Variants in SGSM1 observed in about 807,000 individuals in gnomAD.
SGSM1 encodes RUN and TBC1 domain containing 2.
A neutral mutation model predicts 133.8 loss-of-function variants in SGSM1; 73 were observed. The ratio of observed to expected loss-of-function variants is 0.55; its 90% CI spans 0.45 to 0.66. The LOEUF is 0.66. Ranked by LOEUF, SGSM1 falls within the 30% of genes least tolerant of loss-of-function variation. The pLI, the probability that SGSM1 is intolerant of heterozygous loss-of-function variation, is 0.00. For missense variants in SGSM1, 1,213 were observed against 1,448.1 expected (o/e 0.84, Z 2.64); for synonymous variants, 563 against 573.0 (o/e 0.98, Z 0.25).
intron 4 of SGSM1, among the ~76,000 whole-genome samples, chr22:24,849,332 T>A (rs1339592490): frequency 6.6e-6 from 1 of 151,626 alleles, no homozygotes; most frequent in Non-Finnish European, 1.5e-5. Flanking sequence ...GGTGGGCAGA[T>A]CACCTGAGGT....
chr22:24,829,200 G>GAA (rs113498849), intron 2 of SGSM1, among the ~76,000 whole-genome samples: 2 of 146,242 alleles, frequency 1.4e-5, no homozygotes, highest in Non-Finnish European at 1.5e-5. Context: ...CATCTCAAAA[G>GAA]AAAAAAAAAA....
intron 14 of SGSM1, 87 bp downstream of exon 14, chr22:24,879,613 T>G: frequency 7.5e-7 from 1 of 1,337,326 alleles, no homozygotes; most frequent in Non-Finnish European, 1.0e-6. Flanking sequence ...AGATACTGGC[T>G]CTGGAGTTTG....
At chr22:24,883,931 A>G in intron 14 of SGSM1, 122 bp from the exon 15 acceptor site, 1 of 1,185,930 alleles carries the variant, frequency 8.4e-7, no homozygotes, top group Non-Finnish European at 1.1e-6. Context: ...ATAGAGCAAG[A>G]CTCTGTCTCA....
chr22:24,896,215 CAG>C (rs944114464), intron 18 of SGSM1, among the ~76,000 whole-genome samples: 7 of 151,602 alleles, frequency 4.6e-5, no homozygotes, highest in Non-Finnish European at 8.8e-5. Context: ...GAGGAGGGGG[CAG>C]AGACAGAAGC....
At chr22:24,845,940 CTTTTCTTTCTTTCTTT>C (rs1447303109) in intron 3 of SGSM1, among the ~76,000 whole-genome samples, 16 of 130,718 alleles carry the variant, frequency 1.2e-4, no homozygotes, top group African/African-American at 3.6e-4. Context: ...CTTTTCTTTT[CTTTTCTTTCTTTCTTT>C]CTTTCTTTCT....
chr22:24,851,449 G>GGGGA (rs1555925285), intron 5 of SGSM1, among the ~76,000 whole-genome samples: 18 of 112,812 alleles, frequency 1.6e-4, no homozygotes, highest in African/African-American at 4.9e-4. Context: ...GGGGGTGGGG[G>GGGGA]GAGAGAGAGA....
chr22:24,823,048 T>C (rs1209301950), intron 2 of SGSM1, among the ~76,000 whole-genome samples: 1 of 152,148 alleles, frequency 6.6e-6, no homozygotes, highest in Non-Finnish European at 1.5e-5. Context: ...GGAAAGACAG[T>C]CCTGGATTTG....
chr22:24,851,449 G>GGGGGGA (rs1555925285), intron 5 of SGSM1, among the ~76,000 whole-genome samples: 1 of 112,822 alleles, frequency 8.9e-6, no homozygotes, highest in Admixed American at 1.1e-4. Context: ...GGGGGTGGGG[G>GGGGGGA]GAGAGAGAGA....
At chr22:24,844,569 C>A in intron 2 of SGSM1, 1 of 235,568 alleles carries the variant, frequency 4.2e-6, no homozygotes, top group Non-Finnish European at 8.1e-6. Flanking sequence ...CCTACAGGAA[C>A]TAAAACAGGG....
At chr22:24,816,013 T>TA (rs1185278392) in intron 2 of SGSM1, among the ~76,000 whole-genome samples, 7 of 152,242 alleles carry the variant, frequency 4.6e-5, no homozygotes, top group Non-Finnish European at 1.5e-5. Flanking sequence ...TTCTATGGGA[T>TA]AGTTGGGCCA....
rs1241588832 is a variant in SGSM1 at position 24,892,126 on chromosome 22, G to A, written c.1771-1305G>A. Among the ~76,000 whole-genome samples, 4 of 152,244 alleles carry A rather than the reference G, an allele frequency of 2.6e-5. No homozygotes were observed. In the East Asian group the frequency reaches 7.7e-4, roughly 29 times the overall value. ...GGCTGCTGGGGCCATGCATCTAGGT[G>A]AAAGTGGTGTAACCCTGGCCCAGGA... On this transcript the variant is annotated intron_variant, in intron 16 of 24. Transcript: ENST00000400358.
intron 16 of SGSM1, among the ~76,000 whole-genome samples, chr22:24,890,170 A>C (rs1034780418): frequency 1.3e-5 from 2 of 151,290 alleles, no homozygotes; most frequent in African/African-American, 2.4e-5. Context: ...GTTAGATAGG[A>C]TGGTCTCGAT....
chr22:24,841,798 T>C (rs1406332031), intron 2 of SGSM1, among the ~76,000 whole-genome samples: 1 of 152,248 alleles, frequency 6.6e-6, no homozygotes, highest in African/African-American at 2.4e-5. Flanking sequence ...AATCTCGCTC[T>C]ATCGCCAGGC....
rs1223910304 is a variant in SGSM1, at chr22:24,816,404, C to CTT, written c.63+9927_63+9928dup. ...GAAAGTGAAGCTAAAAAATTGATTT[C>CTT]TTTTTTTTCTTTCTTTTTTTTTTTT... On this transcript the variant is annotated intron_variant, in intron 2 of 24. Transcript: ENST00000400358. Among the ~76,000 whole-genome samples the CTT allele has an allele frequency of 4.0e-3, 539 of 133,870 alleles. 3 individuals carry two copies. The highest frequency in any genetic ancestry group is 0.013 in the African/African-American group (498 of 38,872). 87.8% of individuals were successfully genotyped at this position (133,870 alleles called of 152,430 possible). A position where few individuals can be genotyped will look rare whatever the true frequency, so the allele number is the denominator to read the frequency against.
intron 13 of SGSM1, among the ~76,000 whole-genome samples, chr22:24,878,696 C>T (rs1601947930): frequency 6.6e-6 from 1 of 152,224 alleles, no homozygotes; most frequent in Non-Finnish European, 1.5e-5. Context: ...TCACCTCTTT[C>T]AGCCGAAAAA....
chr22:24,842,594 GC>G (rs1363867931), intron 2 of SGSM1, among the ~76,000 whole-genome samples: 4 of 152,194 alleles, frequency 2.6e-5, no homozygotes, highest in African/African-American at 9.6e-5. Flanking sequence ...CAGAATGGTT[GC>G]CCTCATGGGG....
chr22:24,847,970 C>A (rs1376739341), intron 4 of SGSM1, among the ~76,000 whole-genome samples, 174 bp downstream of exon 4: 1 of 151,594 alleles, frequency 6.6e-6, no homozygotes, highest in Non-Finnish European at 1.5e-5. Context: ...CACCCTCCAC[C>A]AGACTCACCC....
In SGSM1 at chr22:24,855,652, A is replaced by G; in HGVS notation, c.773A>G (p.Tyr258Cys). 1.9e-6 allele frequency: 3 copies of G among 1,613,930 alleles called. No homozygotes were observed. Among genetic ancestry groups the G allele is most frequent in the Non-Finnish European group, 1.7e-6 (2 of 1,179,870 alleles). Residue 258 changes from tyrosine (Y) to cysteine (C), a missense_variant, in exon 8 of 25, where the codon TAT (tyrosine) becomes TGT (cysteine). Transcript: ENST00000400358. ...CAGAACTCCCGTGCCACCCTTCTCT[A>G]TGGCAAAAACAACGTTCTTGTTCAG... ...LHQNSRATLL[Y>C]GKNNVLVQPR... is the part of the protein sequence containing the mutation.
intron 10 of SGSM1, among the ~76,000 whole-genome samples, 194 bp from the exon 11 acceptor site, chr22:24,868,182 A>G (rs931882768): frequency 6.6e-6 from 1 of 151,970 alleles, no homozygotes; most frequent in African/African-American, 2.4e-5. Flanking sequence ...TCAGAGGTGG[A>G]TGGTGGATGA....
Sources: gnomAD v4.1 joint callset for allele counts (sites outside exome capture counted in the v4.1 genomes callset) on GRCh38, gnomAD v4.1.1 for gene constraint, MANE v1.5 for transcripts, NCBI Gene and HGNC (gene_info 2026-07-23, HGNC 2026-07-21) for gene names.